The following SYT1 variants were observed in gnomAD, a reference collection of about 807,000 sequenced individuals.
The protein encoded by SYT1 is synaptotagmin 1, also known as synaptotagmin-1.
SYT1 carries 8 observed loss-of-function variants against 44.8 expected under a neutral mutation model. That is an observed-to-expected ratio of 0.18 (90% CI 0.10 to 0.32). The LOEUF (loss-of-function observed/expected upper bound fraction) is 0.32, where lower values mean the gene tolerates loss of function less well. SYT1 is among the 10% of genes least tolerant of loss of function. The probability of loss-of-function intolerance (pLI) is 1.00; values close to 1 mark genes in which losing one functional copy is unlikely to be tolerated. For missense variants in SYT1, 286 were observed against 509.3 expected (o/e 0.56, Z 4.22); for synonymous variants, 154 against 188.8 (o/e 0.82, Z 1.51).
intron 3 of SYT1, among the ~76,000 whole-genome samples, chr12:79,182,600 C>T (rs1267821844): frequency 6.6e-6 from 1 of 151,984 alleles, no homozygotes; most frequent in Non-Finnish European, 1.5e-5. Flanking sequence ...GCGTATAGTT[C>T]AAGAACTTTA....
rs1050389948 is a variant in SYT1, at chr12:79,417,150, A to G, written c.929-26923A>G. Among the ~76,000 whole-genome samples, 6 of 152,066 alleles carry G rather than the reference A, an allele frequency of 3.9e-5. 1 individual carries two copies. Among genetic ancestry groups the G allele is most frequent in the African/African-American group, 1.4e-4 (6 of 41,418 alleles). On this transcript the variant is annotated intron_variant, in intron 9 of 10. Coordinates refer to ENST00000261205, the MANE Select transcript of SYT1 (RefSeq NM_005639.3). The stretch of plus-strand genomic sequence containing the variant: ...TCATTTAGTCTTCCCTGCTTTTACA[A>G]TTTGTCATTGAAACCTGTGTCTTCC...
At chr12:79,026,663 TA>T (rs1872543791) in intron 2 of SYT1, among the ~76,000 whole-genome samples, 2 of 78,264 alleles carry the variant, frequency 2.6e-5, no homozygotes, top group Non-Finnish European at 4.8e-5. Context: ...TATACATATA[TA>T]TTTTATATAT....
Position 79,381,878 on chromosome 12 carries a change from A to C in SYT1, c.928+28259A>C, listed in dbSNP as rs74500731. Among the ~76,000 whole-genome samples, 9 of 152,282 alleles carry C rather than the reference A, an allele frequency of 5.9e-5. No homozygotes were observed. In the East Asian group the frequency reaches 1.7e-3, roughly 29 times the overall value. On this transcript the variant is annotated intron_variant, in intron 9 of 10. Transcript: ENST00000261205. ...TACTGACATGAACAGATAAAATAAT[A>C]AACACTAATTATAGAGTATTATAAT... is the stretch of plus-strand genomic sequence containing the variant.
chr12:79,283,319 G>C (rs1879143454), intron 4 of SYT1, among the ~76,000 whole-genome samples: 1 of 152,088 alleles, frequency 6.6e-6, no homozygotes, highest in Non-Finnish European at 1.5e-5. Flanking sequence ...AGAAATAAAA[G>C]TCATAAAACA....
chr12:78,879,166 T>G (rs1874327676), intron 1 of SYT1, among the ~76,000 whole-genome samples: 1 of 151,776 alleles, frequency 6.6e-6, no homozygotes, highest in African/African-American at 2.4e-5. Context: ...CAAAGCTTTC[T>G]GCAAACACAT....
At chr12:79,063,982 A>C (rs920504212) in intron 3 of SYT1, among the ~76,000 whole-genome samples, 1 of 152,170 alleles carries the variant, frequency 6.6e-6, no homozygotes, top group Non-Finnish European at 1.5e-5. Flanking sequence ...CCTCTGCTTC[A>C]GTATCCATCT....
At chr12:79,268,797 C>A (rs571605412) in intron 4 of SYT1, among the ~76,000 whole-genome samples, 5 of 152,274 alleles carry the variant, frequency 3.3e-5, no homozygotes, top group Non-Finnish European at 5.9e-5. Context: ...AACATCTTTT[C>A]ATCTACTATG....
rs974357382 is a variant in SYT1 at position 79,277,411 on chromosome 12, C to T, written c.167-8376C>T. On this transcript the variant is annotated intron_variant, in intron 4 of 10. Transcript: ENST00000261205. ...TATCAGCCAAGAATTTTGTATCCTG[C>T]AAAACTAAATTTCATAAATAAAGGT... Among the ~76,000 whole-genome samples the T allele has an allele frequency of 2.0e-5, 3 of 152,014 alleles. No homozygotes were observed. The South Asian group carries it at 6.2e-4, about 31-fold the overall frequency.
chr12:79,091,624 C>T (rs546417800), intron 3 of SYT1, among the ~76,000 whole-genome samples: 1 of 151,636 alleles, frequency 6.6e-6, no homozygotes, highest in Non-Finnish European at 1.5e-5. Flanking sequence ...GATTCCAAGT[C>T]AGAAAAAAAT....
chr12:79,219,938 T>A (rs1453784815), intron 4 of SYT1, among the ~76,000 whole-genome samples: 1 of 152,042 alleles, frequency 6.6e-6, no homozygotes, highest in Non-Finnish European at 1.5e-5. Flanking sequence ...TCAGGGCTTT[T>A]CTGGCTTTGT....
intron 3 of SYT1, among the ~76,000 whole-genome samples, chr12:79,209,569 G>T (rs1301680652): frequency 1.3e-5 from 2 of 152,204 alleles, no homozygotes; most frequent in Non-Finnish European, 2.9e-5. Flanking sequence ...TTGTGTGAAG[G>T]CCATTCCTGG....
intron 8 of SYT1, among the ~76,000 whole-genome samples, chr12:79,315,471 C>T (rs977478787): frequency 1.6e-4 from 24 of 152,100 alleles, no homozygotes; most frequent in Non-Finnish European, 1.0e-4. Flanking sequence ...CTCACCTAAG[C>T]CTCATAACCT....
intron 3 of SYT1, among the ~76,000 whole-genome samples, chr12:79,086,227 AAACCT>A (rs537010263): frequency 2.8e-4 from 43 of 152,226 alleles, no homozygotes; most frequent in African/African-American, 9.9e-4. Flanking sequence ...TACATGAGAA[AAACCT>A]AACACTTGTC....
At chr12:79,145,308 A>G (rs1482597544) in intron 3 of SYT1, among the ~76,000 whole-genome samples, 2 of 152,248 alleles carry the variant, frequency 1.3e-5, no homozygotes, top group African/African-American at 4.8e-5. Flanking sequence ...AATTTTATTT[A>G]GAATATTAAC....
chr12:79,392,528 G>T, intron 9 of SYT1: 1 of 152,184 alleles, frequency 6.6e-6, no homozygotes, highest in East Asian at 1.9e-4. Flanking sequence ...TATGGTATAT[G>T]ATTTACTTGG....
chr12:79,169,680 G>A lies in SYT1; in HGVS notation c.-17-47823G>A, dbSNP rs142811636. Among the ~76,000 whole-genome samples, 529 of 152,132 alleles carry A rather than the reference G, an allele frequency of 3.5e-3. 3 individuals are homozygous for A. The highest frequency in any genetic ancestry group is 0.012 in the African/African-American group (495 of 41,560). ...TTGCCATATGCGCTTCTGAGAAGGA[G>A]AGAGGTATGAGTAGAGCTTTTTTTT... On this transcript the variant is annotated intron_variant, in intron 3 of 10. Coordinates refer to ENST00000261205, the MANE Select transcript of SYT1 (RefSeq NM_005639.3).
intron 2 of SYT1, among the ~76,000 whole-genome samples, chr12:78,980,328 A>G (rs781701415): frequency 2.0e-5 from 3 of 152,194 alleles, no homozygotes; most frequent in African/African-American, 7.2e-5. Flanking sequence ...TGCTTCCTAC[A>G]TAGCCGACTC....
At chr12:78,876,804 TATGTAATACATATC>T (rs1874132709) in intron 1 of SYT1, among the ~76,000 whole-genome samples, 1 of 64,242 alleles carries the variant, frequency 1.6e-5, no homozygotes, top group African/African-American at 7.6e-5. Context: ...TAATATATTA[TATGTAATACATATC>T]ATATATTATA....
intron 3 of SYT1, among the ~76,000 whole-genome samples, chr12:79,090,673 C>T (rs921580017): frequency 6.6e-6 from 1 of 151,920 alleles, no homozygotes; most frequent in African/African-American, 2.4e-5. Flanking sequence ...TTATTACATG[C>T]ACGTGCACAG....
Sources: allele counts gnomAD v4.1 joint callset (sites outside exome capture counted in the v4.1 genomes callset), GRCh38; gene constraint gnomAD v4.1.1; transcripts MANE v1.5; gene names NCBI Gene and HGNC (gene_info 2026-07-23, HGNC 2026-07-21).